Variants in HGD observed in about 807,000 individuals in gnomAD.
HGD encodes homogentisate oxidase.
In HGD, 61 loss-of-function variants were observed where a neutral mutation model predicts 60.8. The ratio of observed to expected loss-of-function variants is 1.00; its 90% CI spans 0.82 to 1.24. The LOEUF (loss-of-function observed/expected upper bound fraction) is 1.24, where lower values mean the gene tolerates loss of function less well. Ranked by LOEUF, HGD falls within the 50% of genes most tolerant of loss-of-function variation. The pLI is 0.00. For synonymous variants in HGD, 212 were observed against 187.7 expected (o/e 1.13, Z -1.06); for missense variants, 542 against 547.1 (o/e 0.99, Z 0.09).
At chr3:120,638,867 G>A (rs888232933) in intron 11 of HGD, among the ~76,000 whole-genome samples, 1 of 152,074 alleles carries the variant, frequency 6.6e-6, no homozygotes, top group Non-Finnish European at 1.5e-5. Flanking sequence ...TTGTGAGAAG[G>A]ACCCGGTGGG....
In HGD at chr3:120,670,445, A is replaced by G; in HGVS notation, c.264T>C (p.Val88=). The G allele has an allele frequency of 6.3e-7, 1 of 1,591,576 alleles. No individual in the cohort carries two copies. The highest frequency in any genetic ancestry group is 8.6e-7 in the Non-Finnish European group (1 of 1,159,430). ...EGQVTHNWDE[V]DPDPNQLRWK... ...AGGTTACCTGGTTAGGATCAGGATC[A>G]ACTTCATCCCAGTTGTGAGTGACTT... is the stretch of plus-strand genomic sequence containing the variant. The change falls in exon 4 of 14, where the codon GTT becomes GTC. Residue 88 remains valine (V), a synonymous_variant. Coordinates refer to ENST00000283871, the MANE Select transcript of HGD (RefSeq NM_000187.4).
chr3:120,641,806 G>A (rs953430469), intron 10 of HGD, 113 bp from the exon 11 acceptor site: 17 of 799,442 alleles, frequency 2.1e-5, no homozygotes, highest in Admixed American at 1.5e-4. Context: ...TTTTGTTCTC[G>A]ATTTAATTTT....
intron 5 of HGD, 82 bp from the exon 6 acceptor site, chr3:120,650,947 T>A: frequency 9.7e-7 from 1 of 1,029,696 alleles, no homozygotes; most frequent in South Asian, 1.3e-5. Context: ...CTGAGGGTCA[T>A]GAGGCACATT....
rs1018199371 is a variant in HGD at position 120,638,570 on chromosome 3, A to G, written c.891T>C (p.Ile297=). The change falls in exon 12 of 14, where the codon ATT becomes ATC. Residue 297 remains isoleucine (I), a synonymous_variant. Coordinates refer to ENST00000283871, the MANE Select transcript of HGD (RefSeq NM_000187.4). ...SVAFDHADPS[I]FTVLTAKSVR... Reference sequence around the variant, plus strand: ...CAGACTTAGCAGTCAATACTGTGAAAATGGATGGGTCCTGTGAACACACAA... The same window carrying G: ...CAGACTTAGCAGTCAATACTGTGAAGATGGATGGGTCCTGTGAACACACAA... The G allele has an allele frequency of 3.7e-6, 6 of 1,613,958 alleles. No homozygotes were observed. The highest frequency in any genetic ancestry group is 4.2e-6 in the Non-Finnish European group (5 of 1,179,928).
chr3:120,650,363 T>C (rs1941301263), intron 6 of HGD, among the ~76,000 whole-genome samples: 1 of 152,260 alleles, frequency 6.6e-6, no homozygotes, highest in East Asian at 1.9e-4. Context: ...TGGGCACATG[T>C]TCTCAGGATC....
At chr3:120,657,627 A>G (rs1481453580) in intron 4 of HGD, among the ~76,000 whole-genome samples, 1 of 152,190 alleles carries the variant, frequency 6.6e-6, no homozygotes, top group Non-Finnish European at 1.5e-5. Context: ...CTGTTCTCAC[A>G]TTGCTATAAA....
chr3:120,647,757 T>G, intron 7 of HGD, 120 bp downstream of exon 7: 1 of 872,422 alleles, frequency 1.1e-6, no homozygotes, highest in Non-Finnish European at 2.0e-6. Flanking sequence ...GTCTCTGGAT[T>G]GCACTAAATG....
intron 2 of HGD, among the ~76,000 whole-genome samples, chr3:120,675,365 T>C (rs1012614543): frequency 2.6e-5 from 4 of 152,066 alleles, no homozygotes; most frequent in Non-Finnish European, 2.9e-5. Context: ...TTTTTTATGC[T>C]ATGATACGGC....
At chr3:120,669,377 A>T (rs1707973777) in intron 4 of HGD, among the ~76,000 whole-genome samples, 1 of 151,868 alleles carries the variant, frequency 6.6e-6, no homozygotes, top group African/African-American at 2.4e-5. Context: ...CAGTTCTAGT[A>T]AGTCCGAACT....
At chr3:120,657,594 GTCA>G (rs1941535400) in intron 4 of HGD, among the ~76,000 whole-genome samples, 1 of 152,050 alleles carries the variant, frequency 6.6e-6, no homozygotes, top group Non-Finnish European at 1.5e-5. Flanking sequence ...CGGTGAAATA[GTCA>G]TCATAGTGTA....
rs1306993150 is a variant in HGD at position 120,652,611 on chromosome 3, T to C, written c.323A>G (p.Lys108Arg). 7.4e-6 allele frequency: 12 copies of C among 1,613,172 alleles called. No homozygotes were observed. The highest frequency in any genetic ancestry group is 1.0e-5 in the Non-Finnish European group (12 of 1,179,350). ...ACTTACACTCACAAAGTCTACTTTC[T>C]TCTGAGATGCTTTTGGAATCTCAAA... ...KPFEIPKASQ[K>R]KVDFVSGLHT... The change falls in exon 5 of 14, where the codon AAG (lysine) becomes AGG (arginine). Residue 108 changes from lysine to arginine, a missense_variant. Around this residue, in one of 2 missense-constraint regions of HGD, gnomAD observed 537 missense variants for 529.1 expected, o/e 1.01. Coordinates refer to ENST00000283871, the MANE Select transcript of HGD (RefSeq NM_000187.4).
At chr3:120,645,499 C>T (rs1168446426) in intron 9 of HGD, among the ~76,000 whole-genome samples, 1 of 152,224 alleles carries the variant, frequency 6.6e-6, no homozygotes, top group Non-Finnish European at 1.5e-5. Flanking sequence ...AACAACCCCT[C>T]CTAACATTTT....
intron 13 of HGD, among the ~76,000 whole-genome samples, chr3:120,631,923 C>A (rs1940605040): frequency 6.6e-6 from 1 of 152,156 alleles, no homozygotes; most frequent in South Asian, 2.1e-4. Context: ...AACACAGCTC[C>A]CTCATAACAT....
chr3:120,661,350 G>A (rs1707762785), intron 4 of HGD, among the ~76,000 whole-genome samples: 1 of 152,078 alleles, frequency 6.6e-6, no homozygotes, highest in South Asian at 2.1e-4. Flanking sequence ...GGTCCTTCAG[G>A]GTTAATGTTT....
chr3:120,671,660 A>T (rs1708026940), intron 3 of HGD, among the ~76,000 whole-genome samples: 1 of 152,232 alleles, frequency 6.6e-6, no homozygotes, highest in African/African-American at 2.4e-5. Context: ...AGGAATATAA[A>T]TCAATCTGTT....
At chr3:120,674,693 G>T (rs538027157) in intron 3 of HGD, 6 of 549,720 alleles carry the variant, frequency 1.1e-5, no homozygotes, top group East Asian at 6.9e-5. Context: ...TCCCAGCTCT[G>T]TGCAGCTTTC....
intron 1 of HGD, among the ~76,000 whole-genome samples, chr3:120,678,319 G>GAAATGGAAT (rs1353189769): frequency 2.0e-5 from 3 of 152,188 alleles, no homozygotes; most frequent in African/African-American, 7.2e-5. Context: ...TCAATTCTGT[G>GAAATGGAAT]AAATGGAATT....
intron 3 of HGD, among the ~76,000 whole-genome samples, chr3:120,674,348 G>A (rs1301751482): frequency 6.6e-6 from 1 of 152,164 alleles, no homozygotes. Flanking sequence ...ACATGGCACA[G>A]TATGTAAATG....
At chr3:120,670,742 C>T (rs572136408) in intron 3 of HGD, among the ~76,000 whole-genome samples, 1 of 152,314 alleles carries the variant, frequency 6.6e-6, no homozygotes, top group East Asian at 1.9e-4. Flanking sequence ...TTTCATTCCA[C>T]CCATCATGCT....
Sources: gnomAD v4.1 joint callset for allele counts (sites outside exome capture counted in the v4.1 genomes callset) on GRCh38, gnomAD v4.1.1 for gene constraint, gnomAD v4.1.1 regional missense constraint, MANE v1.5 for transcripts, NCBI Gene and HGNC (gene_info 2026-07-23, HGNC 2026-07-21) for gene names.